The following CPA6 variants were observed in gnomAD, a reference collection of about 807,000 sequenced individuals.
CPA6 encodes the protein carboxypeptidase B.
Under a neutral mutation model 63.3 loss-of-function variants are expected in CPA6, and 58 were observed. That is an observed-to-expected ratio of 0.92 (90% CI 0.74 to 1.14). The LOEUF (loss-of-function observed/expected upper bound fraction) is 1.14, where lower values mean the gene tolerates loss of function less well. Among genes scored for constraint, CPA6 ranks in the 50% most tolerant of loss-of-function variants. The pLI, the probability that CPA6 is intolerant of heterozygous loss-of-function variation, is 0.00. For missense variants in CPA6, 565 were observed against 526.6 expected (o/e 1.07, Z -0.71); for synonymous variants, 185 against 179.0 (o/e 1.03, Z -0.27).
At chr8:67,505,555 G>A (rs948036509) in intron 6 of CPA6, among the ~76,000 whole-genome samples, 3 of 152,126 alleles carry the variant, frequency 2.0e-5, no homozygotes, top group Admixed American at 2.0e-4. Flanking sequence ...GTGTTGATAT[G>A]TATACATTGG....
intron 1 of CPA6, among the ~76,000 whole-genome samples, chr8:67,744,434 C>A (rs187937802): frequency 6.6e-6 from 1 of 152,360 alleles, no homozygotes; most frequent in Admixed American, 6.5e-5. Flanking sequence ...GGTGCCACCA[C>A]TGGCCTCATT....
chr8:67,578,266 T>C (rs1813677353), intron 2 of CPA6, among the ~76,000 whole-genome samples: 2 of 152,168 alleles, frequency 1.3e-5, no homozygotes, highest in Non-Finnish European at 2.9e-5. Context: ...CAGAAGATAT[T>C]TCTCAAATTA....
intron 8 of CPA6, among the ~76,000 whole-genome samples, chr8:67,466,873 G>A (rs1351056039): frequency 6.6e-6 from 1 of 152,036 alleles, no homozygotes. Context: ...TAATGTGTAT[G>A]TATCATACAC....
rs558207126 is a variant in CPA6, at chr8:67,634,222, T to A, written c.117-9971A>T. ...TATTATTATTATTATTATTATTATT[T>A]ATTTGTTTTTTTTTTGAGACGGAGT... On this transcript the variant is annotated intron_variant, in intron 1 of 10. Transcript: ENST00000297770. Among the ~76,000 whole-genome samples the A allele has an allele frequency of 2.2e-3, 302 of 139,700 alleles. 7 individuals are homozygous for A. Among genetic ancestry groups the A allele is most frequent in the Middle Eastern group, 0.015 (4 of 264 alleles). The allele number at this position is 139,700 out of a possible 152,430, so 91.6% of individuals were successfully genotyped here.
At chr8:67,625,736 T>C (rs1445955361) in intron 1 of CPA6, among the ~76,000 whole-genome samples, 1 of 152,216 alleles carries the variant, frequency 6.6e-6, no homozygotes, top group East Asian at 1.9e-4. Context: ...GGTAGAATAT[T>C]ATTAATAGAA....
At chr8:67,519,956 T>G (rs1176928263) in intron 2 of CPA6, among the ~76,000 whole-genome samples, 1 of 152,186 alleles carries the variant, frequency 6.6e-6, no homozygotes, top group Non-Finnish European at 1.5e-5. Flanking sequence ...TGGCGTTCTA[T>G]TCTTCAGTGA....
At chr8:67,708,527 G>A (rs761465538) in intron 1 of CPA6, among the ~76,000 whole-genome samples, 1 of 152,162 alleles carries the variant, frequency 6.6e-6, no homozygotes, top group Admixed American at 6.5e-5. Context: ...AACTCCAGAT[G>A]ATCCCCAGTA....
At chr8:67,527,311 T>C (rs1812384442) in intron 2 of CPA6, among the ~76,000 whole-genome samples, 1 of 152,226 alleles carries the variant, frequency 6.6e-6, no homozygotes, top group South Asian at 2.1e-4. Flanking sequence ...AAAACCTGAA[T>C]TACTTTAGAT....
At chr8:67,543,538 A>G (rs1812749836) in intron 2 of CPA6, among the ~76,000 whole-genome samples, 1 of 152,218 alleles carries the variant, frequency 6.6e-6, no homozygotes, top group Non-Finnish European at 1.5e-5. Flanking sequence ...CAATGGGAAG[A>G]CAGATTTCCT....
At chr8:67,654,353 G>A (rs970325435) in intron 1 of CPA6, among the ~76,000 whole-genome samples, 2 of 152,090 alleles carry the variant, frequency 1.3e-5, no homozygotes, top group Non-Finnish European at 2.9e-5. Context: ...AGTAGAATTC[G>A]GCTGTGAATC....
At chr8:67,594,361 C>A (rs1013235713) in intron 2 of CPA6, among the ~76,000 whole-genome samples, 1 of 152,032 alleles carries the variant, frequency 6.6e-6, no homozygotes, top group African/African-American at 2.4e-5. Flanking sequence ...AATTATGTGT[C>A]TTGGAGTTGC....
At chr8:67,492,782 G>C (rs546553667) in intron 6 of CPA6, among the ~76,000 whole-genome samples, 9 of 152,248 alleles carry the variant, frequency 5.9e-5, no homozygotes, top group Admixed American at 2.0e-4. Flanking sequence ...TTATTAGGTA[G>C]CGGAGTACAA....
chr8:67,733,414 ACCT>A (rs370089674), intron 1 of CPA6, among the ~76,000 whole-genome samples: 4,891 of 151,620 alleles, frequency 0.032, 120 homozygotes, highest in African/African-American at 0.063. Context: ...CTTCCACCTC[ACCT>A]CCTCTTTCCC....
At chr8:67,695,242 G>C (rs545198639) in intron 1 of CPA6, among the ~76,000 whole-genome samples, 26 of 152,244 alleles carry the variant, frequency 1.7e-4, no homozygotes, top group Admixed American at 1.5e-3. Context: ...AGGGATGCAG[G>C]CTAGGCCTGG....
chr8:67,631,695 A>G (rs948569094), intron 1 of CPA6, among the ~76,000 whole-genome samples: 1 of 152,162 alleles, frequency 6.6e-6, no homozygotes, highest in African/African-American at 2.4e-5. Flanking sequence ...TTGTTCTTTT[A>G]TTGTTTGCAA....
intron 2 of CPA6, among the ~76,000 whole-genome samples, chr8:67,617,501 C>G (rs1183999503): frequency 6.6e-6 from 1 of 152,154 alleles, no homozygotes; most frequent in Non-Finnish European, 1.5e-5. Context: ...ATGTAACTTC[C>G]TACCCCAAAC....
chr8:67,563,644 G>A (rs911412433), intron 2 of CPA6, among the ~76,000 whole-genome samples: 25 of 152,076 alleles, frequency 1.6e-4, no homozygotes, highest in Non-Finnish European at 3.5e-4. Flanking sequence ...AGGCTGTGGG[G>A]CTCAGGGACG....
At chr8:67,489,367 C>A (rs1811556283) in intron 6 of CPA6, among the ~76,000 whole-genome samples, 2 of 152,104 alleles carry the variant, frequency 1.3e-5, no homozygotes, top group Admixed American at 1.3e-4. Flanking sequence ...TTTAATACTA[C>A]CTTAGTTGCA....
chr8:67,668,008 T>G (rs1007089817), intron 1 of CPA6, among the ~76,000 whole-genome samples: 1 of 152,228 alleles, frequency 6.6e-6, no homozygotes, highest in African/African-American at 2.4e-5. Flanking sequence ...ATATTTGACT[T>G]GGGCTGGTGC....
Sources: gnomAD v4.1 joint callset for allele counts (sites outside exome capture counted in the v4.1 genomes callset) on GRCh38, gnomAD v4.1.1 for gene constraint, MANE v1.5 for transcripts, NCBI Gene and HGNC (gene_info 2026-07-23, HGNC 2026-07-21) for gene names.